NGLY1: variants seen among roughly 807,000 people sequenced by gnomAD.
NGLY1 encodes the protein peptide-N(4)-(N-acetyl-beta-glucosaminyl)asparagine amidase.
In NGLY1, 68 loss-of-function variants were observed where a neutral mutation model predicts 84.6. The observed-to-expected ratio is 0.80, with a 90% CI of 0.66 to 0.98. The LOEUF (loss-of-function observed/expected upper bound fraction) is 0.98. Ranked by LOEUF, NGLY1 falls within the 50% of genes least tolerant of loss-of-function variation. The pLI, the probability that NGLY1 is intolerant of heterozygous loss-of-function variation, is 0.00. For missense variants in NGLY1, 779 were observed against 770.2 expected, an observed-to-expected ratio of 1.01 and a Z score of -0.14; for synonymous variants, 280 against 275.2, an observed-to-expected ratio of 1.02 and a Z score of -0.17.
chr3:25,739,453 G>T, intron 5 of NGLY1, 124 bp downstream of exon 5: 1 of 938,094 alleles, frequency 1.1e-6, no homozygotes, highest in Non-Finnish European at 1.6e-6. Context: ...GCCACGGTTT[G>T]CTCACCGGTA....
intron 10 of NGLY1, among the ~76,000 whole-genome samples, chr3:25,727,025 A>T (rs897435962): frequency 3.3e-5 from 5 of 152,172 alleles, no homozygotes; most frequent in Non-Finnish European, 2.9e-5. Flanking sequence ...CTGGTTGGAG[A>T]TTACTGAGAA....
chr3:25,755,402 G>C, intron 3 of NGLY1: 1 of 1,421,412 alleles, frequency 7.0e-7, no homozygotes, highest in Non-Finnish European at 1.0e-6. Context: ...TCCTACTATA[G>C]TGACCCCACA....
chr3:25,774,484 G>C (rs1020220028), intron 2 of NGLY1, among the ~76,000 whole-genome samples: 1 of 152,100 alleles, frequency 6.6e-6, no homozygotes, highest in African/African-American at 2.4e-5. Flanking sequence ...TGGCGGATGG[G>C]GGTGTGGTTC....
upstream of NGLY1, among the ~76,000 whole-genome samples, chr3:25,785,400 C>T (rs1027388297): frequency 1.3e-5 from 2 of 152,200 alleles, no homozygotes; most frequent in African/African-American, 4.8e-5. Context: ...ATAGCTATCA[C>T]AAACTTTATT....
At chr3:25,766,318 C>T (rs1382245635) in intron 2 of NGLY1, among the ~76,000 whole-genome samples, 1 of 152,184 alleles carries the variant, frequency 6.6e-6, no homozygotes, top group Non-Finnish European at 1.5e-5. Context: ...CCGCCCACCA[C>T]AGCCTCCCAA....
At chr3:25,787,648 A>G (rs958610574), upstream of NGLY1, among the ~76,000 whole-genome samples, 3 of 152,264 alleles carry the variant, frequency 2.0e-5, no homozygotes, top group East Asian at 5.8e-4. Flanking sequence ...TCCTTTCTAG[A>G]GGAGTTTAGA....
intron 3 of NGLY1, among the ~76,000 whole-genome samples, chr3:25,759,916 AAAC>A (rs1559549307): frequency 1.6e-5 from 1 of 63,754 alleles, no homozygotes; most frequent in East Asian, 2.5e-3. Context: ...TTAGTTAAAA[AAAC>A]ACACACACAC....
chr3:25,783,339 C>A lies in NGLY1; in HGVS notation c.52G>T (p.Ala18Ser), dbSNP rs762706285. The A allele has an allele frequency of 2.5e-6, 4 of 1,585,272 alleles. No homozygotes were observed. In the Admixed American group the frequency reaches 7.2e-5, roughly 28 times the overall value. ...TCCGGGGTGTTCTGGCAGAGCTCAG[C>A]CACGGCCGGGGACGCCGAGCCTGAG... is the stretch of plus-strand genomic sequence containing the variant. ...SSSGSASPAV[A>S]ELCQNTPETF... Residue 18 changes from alanine (A) to serine (S), a missense_variant, in exon 1 of 12, where the codon GCT becomes TCT. By Grantham distance (99) the Ala-to-Ser change is moderately conservative. Transcript: ENST00000280700. The surrounding 1 kb of genome is among the most constrained non-coding windows in gnomAD (Gnocchi z 4.5).
rs1228406614 is a variant in NGLY1, at chr3:25,764,108, C to T, written c.450G>A (p.Arg150=). The T allele has an allele frequency of 1.2e-6, 2 of 1,614,034 alleles. No individual in the cohort carries two copies. Among genetic ancestry groups the T allele is most frequent in the Admixed American group, 3.3e-5 (2 of 59,994 alleles). The change falls in exon 3 of 12, where the codon AGG becomes AGA. Residue 150 remains arginine (R), a synonymous_variant. Coordinates refer to ENST00000280700, the MANE Select transcript of NGLY1 (RefSeq NM_018297.4). ...SNPSGLNQHT[R]NRQGQSSDPP... ...GATCTGATGACTGCCCTTGACGGTT[C>T]CTTGTGTGCTGGTTTAACCCACTGG...
Position 25,751,055 on chromosome 3 carries a change from AATG to A in NGLY1, c.658+40_658+42del, listed in dbSNP as rs539821260. On this transcript the variant is annotated intron_variant, in intron 4 of 11. Coordinates refer to ENST00000280700, the MANE Select transcript of NGLY1 (RefSeq NM_018297.4). ...TTTCAGTATTTTCTGTTTATTTAGC[AATG>A]ATTTACATTTAGCAATAAATGATTA... The A allele has an allele frequency of 2.8e-4, 440 of 1,566,990 alleles. 2 individuals carry two copies. The African/African-American group carries it at 5.4e-3, about 19-fold the overall frequency.
At chr3:25,770,368 T>C (rs1031609516) in intron 2 of NGLY1, among the ~76,000 whole-genome samples, 3 of 152,148 alleles carry the variant, frequency 2.0e-5, no homozygotes, top group African/African-American at 7.2e-5. Context: ...AGGGAGGTCT[T>C]GAACTCCTGA....
chr3:25,760,906 A>G (rs1707293045), intron 3 of NGLY1, among the ~76,000 whole-genome samples: 1 of 123,254 alleles, frequency 8.1e-6, no homozygotes, highest in Non-Finnish European at 1.7e-5. Context: ...AAAAAAAAAA[A>G]AAAAAAAAAA....
At chr3:25,789,911 C>A in exon 1 of NGLY1, 1 of 1,551,522 alleles carries the variant, frequency 6.4e-7, no homozygotes, top group Non-Finnish European at 8.7e-7. Context: ...ACTGAGGTTC[C>A]GAGAGGGGCG....
At chr3:25,776,791 C>T (rs934265162) in intron 2 of NGLY1, among the ~76,000 whole-genome samples, 2 of 152,162 alleles carry the variant, frequency 1.3e-5, no homozygotes, top group Non-Finnish European at 2.9e-5. Context: ...GATTCTGTCA[C>T]AAAAAGAAAT....
intron 3 of NGLY1, among the ~76,000 whole-genome samples, chr3:25,753,739 C>T (rs369340944): frequency 6.6e-6 from 1 of 151,348 alleles, no homozygotes; most frequent in Non-Finnish European, 1.5e-5. Flanking sequence ...TTCATCTAAA[C>T]AAAACAGGGA....
intron 4 of NGLY1, among the ~76,000 whole-genome samples, chr3:25,748,760 A>C (rs1399261731): frequency 2.0e-5 from 3 of 152,176 alleles, no homozygotes; most frequent in Non-Finnish European, 2.9e-5. Context: ...ATTAATTCTG[A>C]ATATGGTTTC....
At chr3:25,763,007 T>C (rs1707389849) in intron 3 of NGLY1, among the ~76,000 whole-genome samples, 1 of 151,712 alleles carries the variant, frequency 6.6e-6, no homozygotes, top group South Asian at 2.1e-4. Flanking sequence ...TGCCTTTATT[T>C]CCAGAAACTC....
intron 3 of NGLY1, among the ~76,000 whole-genome samples, chr3:25,761,079 T>A (rs1287349541): frequency 6.6e-6 from 1 of 152,144 alleles, no homozygotes; most frequent in Non-Finnish European, 1.5e-5. Flanking sequence ...ATTATGATAA[T>A]TGGTTTAAAT....
rs909916611 is a variant in NGLY1, at chr3:25,719,254, T to C, written c.*206A>G. 2.5e-6 allele frequency: 1 copy of C among 403,716 alleles called. No individual in the cohort carries two copies. Among genetic ancestry groups the C allele is most frequent in the Non-Finnish European group, 4.4e-6 (1 of 225,536 alleles). 25.0% of individuals were successfully genotyped at this position (403,716 alleles called of 1,614,324 possible). A position where few individuals can be genotyped will look rare whatever the true frequency, so the allele number is the denominator to read the frequency against. ...GTCAACAAGACTTTACTCCAAATTATAGTCACATATGGAAGAAAGGTTTTA... is the reference window on the plus strand; with the variant it reads ...GTCAACAAGACTTTACTCCAAATTACAGTCACATATGGAAGAAAGGTTTTA... On this transcript the variant is annotated 3_prime_UTR_variant, in exon 12 of 12. Coordinates refer to ENST00000280700, the MANE Select transcript of NGLY1 (RefSeq NM_018297.4).
Sources: gnomAD v4.1 joint callset for allele counts (sites outside exome capture counted in the v4.1 genomes callset) on GRCh38, gnomAD v4.1.1 for gene constraint, Gnocchi (gnomAD v3.1) non-coding constraint, MANE v1.5 for transcripts, NCBI Gene and HGNC (gene_info 2026-07-23, HGNC 2026-07-21) for gene names.